The following LRP1B variants were observed in gnomAD, a reference collection of about 807,000 sequenced individuals.
LRP1B encodes the protein low-density lipoprotein receptor-related protein 1B.
A neutral mutation model predicts 556.6 loss-of-function variants in LRP1B; 217 were observed. That is an observed-to-expected ratio of 0.39 (90% CI 0.35 to 0.44). LRP1B has a LOEUF of 0.44. LRP1B is among the 20% of genes least tolerant of loss of function. LRP1B has a pLI of 1.00. For synonymous variants in LRP1B, 2,047 were observed against 1,865.8 expected, an observed-to-expected ratio of 1.10 and a Z score of -2.50; for missense variants, 5,053 against 5,620.8, an observed-to-expected ratio of 0.90 and a Z score of 3.23.
At chr2:141,475,701 T>TG (rs1682676254) in intron 3 of LRP1B, among the ~76,000 whole-genome samples, 1 of 151,020 alleles carries the variant, frequency 6.6e-6, no homozygotes, top group Non-Finnish European at 1.5e-5. Flanking sequence ...AGCAACAGAG[T>TG]GGTGAGGCAG....
chr2:140,783,944 G>C (rs1573713481), intron 32 of LRP1B, among the ~76,000 whole-genome samples: 1 of 152,228 alleles, frequency 6.6e-6, no homozygotes, highest in East Asian at 1.9e-4. Flanking sequence ...GTAGATTGTT[G>C]GGCTCCACCC....
intron 2 of LRP1B, among the ~76,000 whole-genome samples, chr2:141,689,860 ATAT>A (rs757228606): frequency 6.8e-4 from 103 of 151,910 alleles, no homozygotes; most frequent in Non-Finnish European, 1.3e-3. Context: ...TATTATGAAA[ATAT>A]TATTTCCTCC....
intron 7 of LRP1B, among the ~76,000 whole-genome samples, chr2:141,128,656 T>TAC (rs1294840375): frequency 6.6e-6 from 1 of 152,048 alleles, no homozygotes; most frequent in Non-Finnish European, 1.5e-5. Context: ...CGTTTTGCCT[T>TAC]GTTGCCCAGG....
intron 6 of LRP1B, among the ~76,000 whole-genome samples, chr2:141,210,191 C>T (rs946756694): frequency 6.6e-6 from 1 of 151,604 alleles, no homozygotes; most frequent in African/African-American, 2.4e-5. Context: ...TTTCCAATAT[C>T]CCAGTATCTC....
intron 2 of LRP1B, among the ~76,000 whole-genome samples, chr2:141,693,481 T>C (rs934161277): frequency 6.6e-6 from 1 of 152,014 alleles, no homozygotes; most frequent in South Asian, 2.1e-4. Flanking sequence ...TATTAAAACA[T>C]AAATATATAA....
At chr2:141,430,297 G>A (rs993923452) in intron 3 of LRP1B, among the ~76,000 whole-genome samples, 20 of 152,028 alleles carry the variant, frequency 1.3e-4, no homozygotes, top group African/African-American at 4.6e-4. Context: ...TGCATAAAAG[G>A]CTCAATTTTT....
intron 35 of LRP1B, among the ~76,000 whole-genome samples, chr2:140,766,903 C>T (rs2104929271): frequency 7.0e-6 from 1 of 143,448 alleles, no homozygotes; most frequent in South Asian, 2.1e-4. Flanking sequence ...CAATATTTTA[C>T]TTCCCACTTA....
intron 6 of LRP1B, among the ~76,000 whole-genome samples, chr2:141,214,976 A>T (rs1682730935): frequency 6.6e-6 from 1 of 152,212 alleles, no homozygotes; most frequent in South Asian, 2.1e-4. Context: ...CACTTTGCTA[A>T]AATGGGATAT....
At chr2:140,719,231 C>G (rs937279185) in intron 35 of LRP1B, among the ~76,000 whole-genome samples, 1 of 151,934 alleles carries the variant, frequency 6.6e-6, no homozygotes, top group Non-Finnish European at 1.5e-5. Context: ...GGTTGGGAGG[C>G]AGATACAAAG....
At chr2:141,382,094 G>A (rs544626020) in intron 3 of LRP1B, among the ~76,000 whole-genome samples, 2 of 152,272 alleles carry the variant, frequency 1.3e-5, no homozygotes, top group South Asian at 4.1e-4. Context: ...TCTTCAGCCT[G>A]CAAGCTCAAC....
At chr2:141,641,656 A>T (rs1035444497) in intron 2 of LRP1B, among the ~76,000 whole-genome samples, 17 of 152,154 alleles carry the variant, frequency 1.1e-4, no homozygotes, top group Non-Finnish European at 2.4e-4. Context: ...GAAAGCTTAC[A>T]TTCCATAGAC....
At chr2:141,604,728 C>G (rs903951438) in intron 2 of LRP1B, among the ~76,000 whole-genome samples, 2 of 152,062 alleles carry the variant, frequency 1.3e-5, no homozygotes, top group Non-Finnish European at 2.9e-5. Context: ...CACAAAAGCC[C>G]TGGACTCAGC....
chr2:141,142,730 A>C (rs902968826), intron 7 of LRP1B, among the ~76,000 whole-genome samples: 1 of 152,092 alleles, frequency 6.6e-6, no homozygotes, highest in African/African-American at 2.4e-5. Context: ...GAAAATAATC[A>C]TAATAGGAAT....
chr2:140,433,958 TG>T (rs1686062196), intron 66 of LRP1B, among the ~76,000 whole-genome samples: 1 of 152,126 alleles, frequency 6.6e-6, no homozygotes, highest in African/African-American at 2.4e-5. Context: ...ATCATATGGA[TG>T]ATATGATCCA....
intron 6 of LRP1B, among the ~76,000 whole-genome samples, chr2:141,219,578 G>A (rs970457668): frequency 1.3e-5 from 2 of 152,176 alleles, no homozygotes. Context: ...TCAGACAAGG[G>A]GCAGCCAAGC....
intron 7 of LRP1B, among the ~76,000 whole-genome samples, chr2:141,112,249 C>A (rs1312292321): frequency 1.3e-5 from 2 of 152,128 alleles, no homozygotes; most frequent in Admixed American, 6.6e-5. Context: ...GCTCAGAAAT[C>A]AAAAATTTGA....
intron 86 of LRP1B, among the ~76,000 whole-genome samples, chr2:140,262,083 G>A (rs1681970074): frequency 6.6e-6 from 1 of 151,822 alleles, no homozygotes. Flanking sequence ...AAAAAGATCA[G>A]AAGAAAATGA....
intron 3 of LRP1B, among the ~76,000 whole-genome samples, chr2:141,475,086 C>T (rs1682646950): frequency 6.6e-6 from 1 of 152,108 alleles, no homozygotes; most frequent in Non-Finnish European, 1.5e-5. Flanking sequence ...TATATTAGCA[C>T]TTGGGGGCCA....
At chr2:141,170,389 T>C (rs1444004259) in intron 7 of LRP1B, among the ~76,000 whole-genome samples, 1 of 152,080 alleles carries the variant, frequency 6.6e-6, no homozygotes, top group Non-Finnish European at 1.5e-5. Flanking sequence ...ACTGGTACTT[T>C]CTAAAACTAT....
Sources: gnomAD v4.1 joint callset for allele counts (sites outside exome capture counted in the v4.1 genomes callset) on GRCh38, gnomAD v4.1.1 for gene constraint, MANE v1.5 for transcripts, NCBI Gene and HGNC (gene_info 2026-07-23, HGNC 2026-07-21) for gene names.